The following FERMT3 variants were observed in gnomAD, a reference collection of about 807,000 sequenced individuals.
The protein encoded by FERMT3 is FERM domain containing kindlin 3.
In FERMT3, 33 loss-of-function variants were observed where a neutral mutation model predicts 80.8. The observed-to-expected ratio is 0.41, with a 90% CI of 0.31 to 0.55. The LOEUF (loss-of-function observed/expected upper bound fraction) is 0.55. FERMT3 is among the 20% of genes least tolerant of loss of function. The pLI is 0.31. For synonymous variants in FERMT3, 375 were observed against 372.2 expected (o/e 1.01, Z -0.09); for missense variants, 754 against 908.7 (o/e 0.83, Z 2.19).
chr11:64,217,184 C>T (rs1028364319), intron 6 of FERMT3, among the ~76,000 whole-genome samples: 1 of 152,182 alleles, frequency 6.6e-6, no homozygotes, highest in African/African-American at 2.4e-5. Context: ...TAGAAGGCTT[C>T]CTGCCAATGT....
At chr11:64,220,146 G>T (rs1946645746) in intron 10 of FERMT3, 74 bp from the exon 11 acceptor site, 1 of 1,569,814 alleles carries the variant, frequency 6.4e-7, no homozygotes, top group African/African-American at 1.4e-5. Flanking sequence ...GACGGTGTGG[G>T]CTAGGATGCA....
At chr11:64,213,367 C>G (rs183728646) in intron 6 of FERMT3, among the ~76,000 whole-genome samples, 3,112 of 149,828 alleles carry the variant, frequency 0.021, 61 homozygotes, top group Non-Finnish European at 0.028. Context: ...TCTCGAACTC[C>G]TGACCTCAGG....
intron 12 of FERMT3, 76 bp from the exon 13 acceptor site, chr11:64,220,940 A>C: frequency 2.5e-6 from 4 of 1,580,222 alleles, no homozygotes; most frequent in Non-Finnish European, 3.4e-6. Flanking sequence ...TGTCACCCTG[A>C]TGGGGAGGTG....
intron 6 of FERMT3, among the ~76,000 whole-genome samples, chr11:64,213,889 C>T (rs1426430312): frequency 6.6e-6 from 1 of 152,084 alleles, no homozygotes; most frequent in East Asian, 1.9e-4. Flanking sequence ...CTAGTGTTTT[C>T]TTCTCTATGA....
At chr11:64,217,500 G>T (rs992708199) in intron 6 of FERMT3, among the ~76,000 whole-genome samples, 1 of 152,078 alleles carries the variant, frequency 6.6e-6, no homozygotes, top group South Asian at 2.1e-4. Context: ...GGTGAGCCAA[G>T]ATCGTGCCAT....
intron 6 of FERMT3, among the ~76,000 whole-genome samples, chr11:64,216,450 C>T (rs1946551986): frequency 1.3e-5 from 2 of 149,164 alleles, no homozygotes; most frequent in Admixed American, 6.6e-5. Context: ...CTGCCCGCTT[C>T]AGCCTCCCAA....
chr11:64,208,147 TG>T (rs1413761024), intron 2 of FERMT3, among the ~76,000 whole-genome samples: 3 of 72,644 alleles, frequency 4.1e-5, no homozygotes, highest in Non-Finnish European at 9.1e-5. Context: ...GGGCTGCCAG[TG>T]GGTGGGGGGT....
At chr11:64,206,500 C>A (rs2134825031), upstream of FERMT3, among the ~76,000 whole-genome samples, 1 of 152,358 alleles carries the variant, frequency 6.6e-6, no homozygotes, top group South Asian at 2.1e-4. Context: ...GTTGAGTTTG[C>A]ACTGAGCTTC....
intron 6 of FERMT3, among the ~76,000 whole-genome samples, chr11:64,215,383 T>C (rs1442716670): frequency 6.6e-6 from 1 of 152,190 alleles, no homozygotes; most frequent in Admixed American, 6.5e-5. Flanking sequence ...ACAATTGTCA[T>C]ATTGAGTCGT....
chr11:64,222,951 G>C lies in FERMT3; in HGVS notation c.1671-97G>C, dbSNP rs990129917. 2.6e-6 allele frequency: 4 copies of C among 1,543,654 alleles called. No individual in the cohort carries two copies. In the Admixed American group the frequency reaches 5.1e-5, roughly 20 times the overall value. On this transcript the variant is annotated intron_variant, in intron 13 of 14. Coordinates refer to ENST00000345728, the MANE Select transcript of FERMT3 (RefSeq NM_031471.6). Reference sequence around the variant, plus strand: ...GTTACACAGCTGGTGAGCTGCAGTCGGGAAGGGCTGGCTCTCCAGCACGGC... The same window carrying C: ...GTTACACAGCTGGTGAGCTGCAGTCCGGAAGGGCTGGCTCTCCAGCACGGC...
chr11:64,212,216 TC>T (rs1445938088), intron 6 of FERMT3, among the ~76,000 whole-genome samples: 1 of 152,148 alleles, frequency 6.6e-6, no homozygotes, highest in Non-Finnish European at 1.5e-5. Flanking sequence ...TGTTCACTCT[TC>T]CTCCCTTCCT....
chr11:64,219,049 C>T lies in FERMT3; in HGVS notation c.787-202C>T, dbSNP rs972479684. On this transcript the variant is annotated intron_variant, in intron 6 of 14. Transcript: ENST00000345728. This position sits in a 1 kb window ranked among gnomAD's most constrained non-coding sequence, Gnocchi z 4.0. ...CAGCACAACCAAGCCAAGGTTTAGA[C>T]GTGCAGGCCTGGGCAGCAGGGGGCT... 3.3e-5 allele frequency among the ~76,000 whole-genome samples: 5 copies of T among 152,216 alleles called. No homozygotes were observed. Among genetic ancestry groups the T allele is most frequent in the South Asian group, 2.1e-4 (1 of 4,822 alleles).
intron 6 of FERMT3, among the ~76,000 whole-genome samples, chr11:64,214,311 G>A (rs905840847): frequency 4.0e-5 from 6 of 151,510 alleles, no homozygotes; most frequent in Non-Finnish European, 7.4e-5. Context: ...GGGACTGCAG[G>A]CACGCGCCAC....
In FERMT3 at chr11:64,223,658, C is replaced by T. The variant is rs140958393; in HGVS notation, c.*166C>T. Reference sequence around the variant, plus strand: ...AGGCCAAGGACCTGGCAGGGCCAGACGCTGTACCATCACCCAGGCCAGGGA... The same window carrying T: ...AGGCCAAGGACCTGGCAGGGCCAGATGCTGTACCATCACCCAGGCCAGGGA... On this transcript the variant is annotated 3_prime_UTR_variant, in exon 15 of 15. Coordinates refer to ENST00000345728, the MANE Select transcript of FERMT3 (RefSeq NM_031471.6). 17 of 901,426 alleles carry T rather than the reference C, an allele frequency of 1.9e-5. No homozygotes were observed. The highest frequency in any genetic ancestry group is 5.3e-5 in the East Asian group (2 of 37,910). The allele number at this position is 901,426 out of a possible 1,614,324, so 55.8% of individuals were successfully genotyped here. A position where few individuals can be genotyped will look rare whatever the true frequency, so the allele number is the denominator to read the frequency against.
upstream of FERMT3, chr11:64,206,571 G>A (rs1011671406): frequency 6.6e-6 from 1 of 152,454 alleles, no homozygotes; most frequent in Non-Finnish European, 1.5e-5. Flanking sequence ...GCTCTCCCTA[G>A]CTTCCTGTGC....
chr11:64,214,626 C>T (rs1042657168), intron 6 of FERMT3, among the ~76,000 whole-genome samples: 13 of 152,102 alleles, frequency 8.5e-5, no homozygotes, highest in African/African-American at 2.4e-4. Context: ...GGATTACAGG[C>T]GTGAGCCACC....
intron 1 of FERMT3, among the ~76,000 whole-genome samples, chr11:64,207,086 C>T (rs1451801983): frequency 6.6e-6 from 1 of 152,142 alleles, no homozygotes; most frequent in Non-Finnish European, 1.5e-5. Flanking sequence ...CTGAGTGAGC[C>T]CCTTCTTACC....
intron 6 of FERMT3, among the ~76,000 whole-genome samples, chr11:64,216,814 AAAAG>A (rs1412323893): frequency 6.6e-6 from 1 of 150,808 alleles, no homozygotes; most frequent in Non-Finnish European, 1.5e-5. Flanking sequence ...AAAAAAAAAA[AAAAG>A]GCGGGTGCCA....
chr11:64,214,071 A>G (rs1946498841), intron 6 of FERMT3, among the ~76,000 whole-genome samples: 3 of 152,176 alleles, frequency 2.0e-5, no homozygotes, highest in Admixed American at 2.0e-4. Context: ...ATGGCTGTAA[A>G]TAGTAACACA....
Sources: gnomAD v4.1 joint callset for allele counts (sites outside exome capture counted in the v4.1 genomes callset) on GRCh38, gnomAD v4.1.1 for gene constraint, Gnocchi (gnomAD v3.1) non-coding constraint, MANE v1.5 for transcripts, NCBI Gene and HGNC (gene_info 2026-07-23, HGNC 2026-07-21) for gene names.